The following PEX5 variants were observed in gnomAD, a reference collection of about 807,000 sequenced individuals.
PEX5 encodes PTS1 receptor.
A neutral mutation model predicts 82.9 loss-of-function variants in PEX5; 52 were observed. That is an observed-to-expected ratio of 0.63 (90% confidence interval 0.50 to 0.79). The LOEUF (loss-of-function observed/expected upper bound fraction) is 0.79, where lower values mean the gene tolerates loss of function less well. PEX5 is among the 30% of genes least tolerant of loss of function. The pLI, the probability that PEX5 is intolerant of heterozygous loss-of-function variation, is 0.00. For missense variants in PEX5, 719 were observed against 815.2 expected (o/e 0.88, Z 1.44); for synonymous variants, 300 against 318.8 (o/e 0.94, Z 0.63).
chr12:7,197,393 T>TATATATGTCATATACAATGTA lies in PEX5; in HGVS notation c.449-1612_449-1611insGTCATATACAATGTAATATAT, dbSNP rs1565688658. ...TATATGTCATATACAATGTAATAATTATATATATGTCATATACAATGTAAT... is the reference window on the plus strand; with the variant it reads ...TATATGTCATATACAATGTAATAATTATATATGTCATATACAATGTAATATATATGTCATATACAATGTAAT... On this transcript the variant is annotated intron_variant, in intron 5 of 15. Transcript: ENST00000675855. Among the ~76,000 whole-genome samples the TATATATGTCATATACAATGTA allele has an allele frequency of 9.6e-3, 567 of 58,872 alleles. 48 individuals are homozygous for TATATATGTCATATACAATGTA. Among genetic ancestry groups the TATATATGTCATATACAATGTA allele is most frequent in the South Asian group, 0.02 (29 of 1,460 alleles). 38.6% of individuals were successfully genotyped at this position (58,872 alleles called of 152,430 possible). A position where few individuals can be genotyped will look rare whatever the true frequency, so the allele number is the denominator to read the frequency against.
chr12:7,193,519 C>T lies in PEX5; in HGVS notation c.448+1819C>T, dbSNP rs1413139414. 6.6e-5 allele frequency among the ~76,000 whole-genome samples: 10 copies of T among 152,230 alleles called. No individual in the cohort carries two copies. In the South Asian group the frequency reaches 1.9e-3, roughly 28 times the overall value. On this transcript the variant is annotated intron_variant, in intron 5 of 15. Coordinates refer to ENST00000675855, the MANE Select transcript of PEX5 (RefSeq NM_001351132.2). ...TGCTGGGATTACAAGCGTGAGCCAC[C>T]GCACGCGCCCTCACGTTGAGATTCT...
Position 7,191,590 on chromosome 12 carries a change from C to G in PEX5, c.338C>G (p.Ala113Gly). ...TAAGCCCCTGGTGTGGCAGACTTGGCCTTGTCTGAGAACTGGGCCCAGGAG... is the reference window on the plus strand; with the variant it reads ...TAAGCCCCTGGTGTGGCAGACTTGGGCTTGTCTGAGAACTGGGCCCAGGAG... ...PQRAPGVADL[A>G]LSENWAQEFL... Residue 113 changes from alanine to glycine, a missense_variant, in exon 5 of 16, where the codon GCC becomes GGC. Coordinates refer to ENST00000675855, the MANE Select transcript of PEX5 (RefSeq NM_001351132.2). 1 of 1,613,978 alleles carries G rather than the reference C, an allele frequency of 6.2e-7. No homozygotes were observed. The highest frequency in any genetic ancestry group is 8.5e-7 in the Non-Finnish European group (1 of 1,179,938).
chr12:7,204,849 A>G (rs139457189), intron 10 of PEX5, among the ~76,000 whole-genome samples: 3 of 152,278 alleles, frequency 2.0e-5, no homozygotes, highest in African/African-American at 7.2e-5. Flanking sequence ...ACATAGAACA[A>G]TGTGACAAAT....
chr12:7,196,464 T>C (rs1342756725), intron 5 of PEX5, among the ~76,000 whole-genome samples: 10 of 136,338 alleles, frequency 7.3e-5, no homozygotes, highest in Non-Finnish European at 1.5e-4. Context: ...GTGTCATATA[T>C]AATGTAATAA....
chr12:7,197,275 A>AAT (rs1416035943), intron 5 of PEX5, among the ~76,000 whole-genome samples: 3 of 134,036 alleles, frequency 2.2e-5, no homozygotes, highest in African/African-American at 8.5e-5. Flanking sequence ...TATATGTCAT[A>AAT]TATAATGTAA....
intron 2 of PEX5, 32 bp from the exon 3 acceptor site, chr12:7,190,856 C>T (rs1940949370): frequency 1.2e-6 from 2 of 1,606,362 alleles, no homozygotes; most frequent in African/African-American, 1.3e-5. Context: ...AGAGGAACTG[C>T]GTCATTGTAC....
intron 10 of PEX5, among the ~76,000 whole-genome samples, chr12:7,203,928 T>A (rs1591769379): frequency 6.6e-6 from 1 of 152,200 alleles, no homozygotes; most frequent in South Asian, 2.1e-4. Context: ...TCCCTTTGCC[T>A]CCACATCTTA....
Position 7,209,005 on chromosome 12 carries a change from C to A in PEX5, c.1395C>A (p.Asp465Glu), listed in dbSNP as rs772561166. The A allele has an allele frequency of 1.6e-5, 26 of 1,613,850 alleles. No individual in the cohort carries two copies. The African/African-American group carries it at 3.5e-4, about 22-fold the overall frequency. The change falls in exon 14 of 16, where the codon GAC becomes GAA. Residue 465 changes from aspartate to glutamate, a missense_variant and splice_region_variant. Asp to Glu is a conservative substitution (Grantham distance 45). Transcript: ENST00000675855. The stretch of plus-strand genomic sequence containing the variant: ...TTGTGTTTTTTTCCTTTTCATCCAG[C>A]TCCCTGTTTCTTGAAGTGAAAGAGC... ...SKRILGSLLS[D>E]SLFLEVKELF...
chr12:7,208,264 G>A (rs1054109356), intron 12 of PEX5, among the ~76,000 whole-genome samples, 184 bp downstream of exon 12: 2 of 152,088 alleles, frequency 1.3e-5, no homozygotes, highest in Non-Finnish European at 2.9e-5. Context: ...TTTTATTTGC[G>A]GCTTTGGTTG....
chr12:7,210,557 A>G lies in PEX5; in HGVS notation c.*334A>G. 2.3e-6 allele frequency: 1 copy of G among 434,654 alleles called. No individual in the cohort carries two copies. The highest frequency in any genetic ancestry group is 2.1e-5 in the South Asian group (1 of 48,060). The allele number at this position is 434,654 out of a possible 1,614,324, so 26.9% of individuals were successfully genotyped here. On this transcript the variant is annotated 3_prime_UTR_variant, in exon 16 of 16. Coordinates refer to ENST00000675855, the MANE Select transcript of PEX5 (RefSeq NM_001351132.2). ...CTGTTATCATCAGCTGCCATTTCTGATAGGGTCTACCACATCTGTAATGTC... is the reference window on the plus strand; with the variant it reads ...CTGTTATCATCAGCTGCCATTTCTGGTAGGGTCTACCACATCTGTAATGTC...
intron 5 of PEX5, among the ~76,000 whole-genome samples, chr12:7,197,825 T>A (rs986241294): frequency 6.6e-6 from 1 of 152,150 alleles, no homozygotes; most frequent in African/African-American, 2.4e-5. Context: ...AATGTCCCTC[T>A]TTAATGCAAA....
intron 10 of PEX5, among the ~76,000 whole-genome samples, chr12:7,204,044 AACTTAAAT>A (rs1392103013): frequency 6.6e-6 from 1 of 152,264 alleles, no homozygotes; most frequent in Non-Finnish European, 1.5e-5. Flanking sequence ...TATATTAGAT[AACTTAAAT>A]ATTAGGGAAA....
At chr12:7,198,260 TACTTCTGGGGGCTGGGAG>T (rs1943116665) in intron 5 of PEX5, among the ~76,000 whole-genome samples, 1 of 152,200 alleles carries the variant, frequency 6.6e-6, no homozygotes, top group Non-Finnish European at 1.5e-5. Context: ...GAATAGTGTT[TACTTCTGGGGGCTGGGAG>T]ACTGAGGGAG....
Position 7,201,861 on chromosome 12 carries a change from T to C in PEX5, c.642+20T>C. On this transcript the variant is annotated intron_variant, in intron 7 of 15. Coordinates refer to ENST00000675855, the MANE Select transcript of PEX5 (RefSeq NM_001351132.2). ...TCTGAGGTGAGCCACATCCCTCTGC[T>C]GCTTTGCCCAGCAGAGCTGGTTTTG... The C allele has an allele frequency of 1.3e-6, 2 of 1,570,704 alleles. No individual in the cohort carries two copies. The highest frequency in any genetic ancestry group is 1.8e-6 in the Non-Finnish European group (2 of 1,140,680).
Position 7,208,555 on chromosome 12 carries a change from G to T in PEX5, c.1280G>T (p.Arg427Leu), listed in dbSNP as rs774915360. ...CAGCGACAGGCCTGTGAAACCCTAC[G>T]AGACTGGCTGCGGTACACACCAGCC... is the stretch of plus-strand genomic sequence containing the variant. ...SLQRQACETL[R>L]DWLRYTPAYA... Residue 427 changes from arginine (R) to leucine (L), a missense_variant, in exon 13 of 16, where the codon CGA (arginine) becomes CTA (leucine). Arg to Leu is a moderately radical substitution (Grantham distance 102). Coordinates refer to ENST00000675855, the MANE Select transcript of PEX5 (RefSeq NM_001351132.2). 3.7e-6 allele frequency: 6 copies of T among 1,614,110 alleles called. No individual in the cohort carries two copies. The highest frequency in any genetic ancestry group is 3.3e-5 in the Admixed American group (2 of 60,024).
At chr12:7,190,775 T>G (rs966041501) in intron 2 of PEX5, 113 bp from the exon 3 acceptor site, 42 of 1,323,432 alleles carry the variant, frequency 3.2e-5, no homozygotes, top group South Asian at 1.2e-5. Flanking sequence ...CACCTTTAAA[T>G]AAATGCAACC....
chr12:7,207,991 T>C lies in PEX5; in HGVS notation c.1111-19T>C. The C allele has an allele frequency of 1.9e-6, 3 of 1,602,942 alleles. No individual in the cohort carries two copies. Among genetic ancestry groups the C allele is most frequent in the Non-Finnish European group, 2.6e-6 (3 of 1,169,862 alleles). On this transcript the variant is annotated intron_variant, in intron 11 of 15. Coordinates refer to ENST00000675855, the MANE Select transcript of PEX5 (RefSeq NM_001351132.2). ...GAGAGGTGAATATGGGGTGATGGAA[T>C]CTGTCAACTTCCCTCTAGGCTTGGC...
At chr12:7,190,252 G>A (rs1326183740) in intron 1 of PEX5, 110 bp from the exon 2 acceptor site, 23 of 1,589,162 alleles carry the variant, frequency 1.4e-5, no homozygotes, top group Non-Finnish European at 2.0e-5. Flanking sequence ...GGTGGAGGGC[G>A]GCCAGTGTGG....
chr12:7,189,740 G>A lies in PEX5; in HGVS notation c.-27G>A, dbSNP rs1025478296. On this transcript the variant is annotated 5_prime_UTR_variant, in exon 1 of 16. Coordinates refer to ENST00000675855, the MANE Select transcript of PEX5 (RefSeq NM_001351132.2). ...GGTGCCCCGGCGGGTCGTGCGGCGC[G>A]GCGCTCCGCGGTGAGCGCCTGACCC... 4.9e-6 allele frequency: 2 copies of A among 409,728 alleles called. No individual in the cohort carries two copies. The highest frequency in any genetic ancestry group is 8.2e-6 in the Non-Finnish European group (2 of 243,484). 25.4% of individuals were successfully genotyped at this position (409,728 alleles called of 1,614,324 possible).
Sources: allele counts gnomAD v4.1 joint callset (sites outside exome capture counted in the v4.1 genomes callset), GRCh38; gene constraint gnomAD v4.1.1; transcripts MANE v1.5; gene names NCBI Gene and HGNC (gene_info 2026-07-23, HGNC 2026-07-21).